The following BLVRA variants were observed in gnomAD, a reference collection of about 807,000 sequenced individuals.
BLVRA encodes the protein biliverdin reductase A.
In BLVRA, 22 loss-of-function variants were observed where a neutral mutation model predicts 32.8. The observed-to-expected ratio is 0.67, with a 90% CI of 0.48 to 0.96. BLVRA has a LOEUF of 0.96. Ranked by LOEUF, BLVRA falls within the 40% of genes least tolerant of loss-of-function variation. The pLI is 0.00. For synonymous variants in BLVRA, 119 were observed against 141.3 expected (o/e 0.84, Z 1.12); for missense variants, 323 against 358.1 (o/e 0.90, Z 0.79).
At chr7:43,760,060 G>C (rs1266827330) in intron 1 of BLVRA, 1 of 140,724 alleles carries the variant, frequency 7.1e-6, no homozygotes, top group Admixed American at 7.9e-5. Context: ...GCGCGATCTC[G>C]GCTCACTGCA....
In BLVRA at chr7:43,792,778, C is replaced by T. The variant is rs752807029; in HGVS notation, c.318C>T (p.Ala106=). 12 of 1,614,052 alleles carry T rather than the reference C, an allele frequency of 7.4e-6. No individual in the cohort carries two copies. The highest frequency in any genetic ancestry group is 2.2e-5 in the East Asian group (1 of 44,902). ...ACCCCATGACACTGTCATTGGCGGC[C>T]GCTCAGGAACTGTGGGAGCTGGCTG... The part of the protein sequence containing the change: ...VEYPMTLSLA[A]AQELWELAEQ... Residue 106 remains alanine, a synonymous_variant, in exon 5 of 8, where the codon GCC becomes GCT. Transcript: ENST00000265523.
At chr7:43,764,561 G>A (rs1300748832) in intron 1 of BLVRA, among the ~76,000 whole-genome samples, 3 of 152,130 alleles carry the variant, frequency 2.0e-5, no homozygotes, top group Non-Finnish European at 2.9e-5. Flanking sequence ...AGCAGATAGG[G>A]GCTGGAAAGT....
intron 2 of BLVRA, among the ~76,000 whole-genome samples, chr7:43,779,535 G>A (rs1362671633): frequency 6.6e-6 from 1 of 152,208 alleles, no homozygotes; most frequent in Non-Finnish European, 1.5e-5. Context: ...ATGGAAAACA[G>A]CCAAAAGTAA....
chr7:43,774,081 T>C (rs1304998385), intron 2 of BLVRA, among the ~76,000 whole-genome samples: 37 of 151,710 alleles, frequency 2.4e-4, no homozygotes, highest in Non-Finnish European at 5.0e-4. Context: ...TTCTCCCATT[T>C]TGTAGGTTGC....
intron 1 of BLVRA, among the ~76,000 whole-genome samples, chr7:43,762,313 C>T (rs1347100614): frequency 6.6e-6 from 1 of 151,964 alleles, no homozygotes; most frequent in Non-Finnish European, 1.5e-5. Context: ...GCCAATGGCA[C>T]ATACCCTTTT....
Position 43,807,150 on chromosome 7 carries a change from A to C in BLVRA, c.806A>C (p.Lys269Thr). 6.2e-7 allele frequency: 1 copy of C among 1,613,998 alleles called. No individual in the cohort carries two copies. Among genetic ancestry groups the C allele is most frequent in the African/African-American group, 1.3e-5 (1 of 75,046 alleles). ...VQKLLGQFSE[K>T]ELAAEKKRIL... The stretch of plus-strand genomic sequence containing the variant: ...AAACTCTTGGGCCAGTTCTCTGAGA[A>C]GGAACTGGCTGCTGAAAAGAAACGC... The change falls in exon 8 of 8, where the codon AAG becomes ACG. Residue 269 changes from lysine (K) to threonine (T), a missense_variant. Physicochemically the swap from Lys to Thr is moderately conservative, Grantham distance 78. Transcript: ENST00000265523.
intron 2 of BLVRA, among the ~76,000 whole-genome samples, chr7:43,776,856 T>A (rs1348029923): frequency 6.6e-6 from 1 of 152,076 alleles, no homozygotes; most frequent in African/African-American, 2.4e-5. Context: ...TTTAGGATAG[T>A]TAGCTCTTCT....
At chr7:43,791,080 G>T (rs17239572) in intron 3 of BLVRA, among the ~76,000 whole-genome samples, 169 bp from the exon 4 acceptor site, 1,716 of 152,304 alleles carry the variant, frequency 0.011, 18 homozygotes, top group South Asian at 0.014. Flanking sequence ...GAACTCTGAG[G>T]CTATTTTTCT....
intron 7 of BLVRA, 25 bp downstream of exon 7, chr7:43,803,872 G>A (rs758681644): frequency 1.9e-6 from 3 of 1,612,862 alleles, no homozygotes; most frequent in South Asian, 1.1e-5. Flanking sequence ...GCCATGAGGA[G>A]GAGGAAATTT....
At chr7:43,779,976 C>T (rs1300057860) in intron 2 of BLVRA, among the ~76,000 whole-genome samples, 2 of 151,930 alleles carry the variant, frequency 1.3e-5, no homozygotes, top group Non-Finnish European at 2.9e-5. Context: ...CGGGTTCATG[C>T]GATTCTCCCA....
At chr7:43,805,282 C>CTTT (rs368451107) in intron 7 of BLVRA, among the ~76,000 whole-genome samples, 2 of 138,808 alleles carry the variant, frequency 1.4e-5, no homozygotes, top group African/African-American at 2.7e-5. Context: ...CTCTCTCTCT[C>CTTT]TTTTTTTTTT....
intron 5 of BLVRA, among the ~76,000 whole-genome samples, chr7:43,798,197 C>CAAAAAA (rs56855757): frequency 0.015 from 689 of 45,142 alleles, 64 homozygotes; most frequent in Non-Finnish European, 0.022. Context: ...CCCCATCTCA[C>CAAAAAA]AAAAAAAAAA....
chr7:43,766,680 C>G (rs983016669), intron 1 of BLVRA, among the ~76,000 whole-genome samples: 15 of 150,814 alleles, frequency 9.9e-5, no homozygotes, highest in African/African-American at 3.7e-4. Context: ...CCTCTCCTGA[C>G]GGTGCATCTT....
intron 6 of BLVRA, among the ~76,000 whole-genome samples, chr7:43,802,166 A>T (rs958958105): frequency 6.6e-6 from 1 of 152,084 alleles, no homozygotes; most frequent in African/African-American, 2.4e-5. Context: ...AACAAAAAAG[A>T]ACTAGAGCAG....
chr7:43,797,395 G>A (rs116817483), intron 5 of BLVRA, among the ~76,000 whole-genome samples: 2,116 of 152,304 alleles, frequency 0.014, 38 homozygotes, highest in African/African-American at 0.049. Context: ...GCTCAATAAC[G>A]TATTTTTAAA....
chr7:43,779,494 C>T (rs114988392), intron 2 of BLVRA, among the ~76,000 whole-genome samples: 312 of 152,318 alleles, frequency 2.0e-3, no homozygotes, highest in African/African-American at 6.6e-3. Flanking sequence ...AATGTAGACA[C>T]ATGTTCATAG....
rs1008102525 is a variant in BLVRA at position 43,780,444 on chromosome 7, G to A, written c.13-7460G>A. Among the ~76,000 whole-genome samples, 4 of 152,324 alleles carry A rather than the reference G, an allele frequency of 2.6e-5. No individual in the cohort carries two copies. The South Asian group carries it at 6.2e-4, about 24-fold the overall frequency. The stretch of plus-strand genomic sequence containing the variant: ...TGGCTCTAATGGTAAAAATGTAAGT[G>A]TGGTACTCATGCTCATGGAACTTAT... On this transcript the variant is annotated intron_variant, in intron 2 of 7. Transcript: ENST00000265523.
intron 2 of BLVRA, among the ~76,000 whole-genome samples, chr7:43,777,258 C>T (rs2095762325): frequency 6.6e-6 from 1 of 151,908 alleles, no homozygotes; most frequent in African/African-American, 2.4e-5. Context: ...TACAATTTGG[C>T]ATGTTTTTGC....
Position 43,803,697 on chromosome 7 carries a change from G to T in BLVRA, c.482G>T (p.Arg161Leu). 6.2e-7 allele frequency: 1 copy of T among 1,613,596 alleles called. No homozygotes were observed. The highest frequency in any genetic ancestry group is 1.1e-5 in the South Asian group (1 of 91,068). ...LFTAGPLEEE[R>L]FGFPAFSGIS... Reference sequence around the variant, plus strand: ...ACAGCTGGCCCGTTGGAAGAAGAGCGGTTTGGCTTCCCTGCATTCAGCGGC... The same window carrying T: ...ACAGCTGGCCCGTTGGAAGAAGAGCTGTTTGGCTTCCCTGCATTCAGCGGC... The change falls in exon 7 of 8, where the codon CGG (arginine) becomes CTG (leucine). Residue 161 changes from arginine (R) to leucine (L), a missense_variant. Arg to Leu is a moderately radical substitution (Grantham distance 102, BLOSUM62 -2). Transcript: ENST00000265523.
Sources: gnomAD v4.1 joint callset for allele counts (sites outside exome capture counted in the v4.1 genomes callset) on GRCh38, gnomAD v4.1.1 for gene constraint, MANE v1.5 for transcripts, NCBI Gene and HGNC (gene_info 2026-07-23, HGNC 2026-07-21) for gene names.